Variants in SCG5 observed in about 807,000 individuals in gnomAD.
SCG5 encodes secretogranin V.
A neutral mutation model predicts 25.7 loss-of-function variants in SCG5; 18 were observed. That is an observed-to-expected ratio of 0.70 (90% CI 0.48 to 1.04). The LOEUF (loss-of-function observed/expected upper bound fraction) is 1.04, where lower values mean the gene tolerates loss of function less well. Among genes scored for constraint, SCG5 ranks in the 50% least tolerant of loss-of-function variants. SCG5 has a pLI of 0.00. For synonymous variants in SCG5, 101 were observed against 91.7 expected (o/e 1.10, Z -0.58); for missense variants, 206 against 259.8 (o/e 0.79, Z 1.42).
At chr15:32,676,943 A>G (rs2054541482) in intron 2 of SCG5, among the ~76,000 whole-genome samples, 1 of 152,256 alleles carries the variant, frequency 6.6e-6, no homozygotes, top group South Asian at 2.1e-4. Flanking sequence ...ACATATAGCC[A>G]TCAGATTATG....
rs186918752 is a variant in SCG5, at chr15:32,694,120, A to C, written c.543+2357A>C. Among the ~76,000 whole-genome samples the C allele has an allele frequency of 3.3e-5, 5 of 152,290 alleles. No homozygotes were observed. In the East Asian group the frequency reaches 7.7e-4, roughly 24 times the overall value. On this transcript the variant is annotated intron_variant, in intron 5 of 5. Coordinates refer to ENST00000300175, the MANE Select transcript of SCG5 (RefSeq NM_001144757.3). ...GTGAGACTCCATCTCAAAACAAAGC[A>C]AAACAAAACAAAAACAAACCCAAAG...
At chr15:32,692,186 C>T (rs925327497) in intron 5 of SCG5, 6 of 1,013,534 alleles carry the variant, frequency 5.9e-6, no homozygotes, top group Non-Finnish European at 7.1e-6. Context: ...ACTGCATGCT[C>T]CAGGAAATAA....
In SCG5 at chr15:32,679,806, C is replaced by T. The variant is rs1344385606; in HGVS notation, c.267C>T (p.Gly89=). The change falls in exon 3 of 6, where the codon GGC becomes GGT. Residue 89 remains glycine, a synonymous_variant. Transcript: ENST00000300175. ...GACTTCAGCATTTGGGTCCTTTTGG[C>T]AACATCCCCAACATCGTGGCAGAGT... ...HEGLQHLGPF[G]NIPNIVAELT... The T allele has an allele frequency of 1.2e-6, 2 of 1,613,810 alleles. No homozygotes were observed. Among genetic ancestry groups the T allele is most frequent in the African/African-American group, 1.3e-5 (1 of 74,900 alleles).
chr15:32,673,182 G>C (rs565213693), intron 2 of SCG5: 1 of 152,272 alleles, frequency 6.6e-6, no homozygotes, highest in African/African-American at 2.4e-5. Flanking sequence ...TCCTTGCAAA[G>C]TGTGAGCAAG....
intron 5 of SCG5, 104 bp from the exon 6 acceptor site, chr15:32,696,410 C>T (rs1229191489): frequency 4.2e-5 from 34 of 816,772 alleles, no homozygotes; most frequent in Non-Finnish European, 6.1e-5. Context: ...AGCCACCGCG[C>T]CCGGCCCCAG....
intron 3 of SCG5, among the ~76,000 whole-genome samples, chr15:32,681,173 C>G (rs2054613968): frequency 6.6e-6 from 1 of 152,152 alleles, no homozygotes; most frequent in Non-Finnish European, 1.5e-5. Flanking sequence ...TAGTCTTTTC[C>G]TGCAAGCCTA....
intron 4 of SCG5, among the ~76,000 whole-genome samples, chr15:32,691,427 C>T (rs1341507767): frequency 6.6e-6 from 1 of 152,186 alleles, no homozygotes; most frequent in African/African-American, 2.4e-5. Context: ...GGGTTTCCAG[C>T]ACCCTTCATG....
intron 2 of SCG5, among the ~76,000 whole-genome samples, chr15:32,645,930 C>T (rs1030558630): frequency 6.6e-6 from 1 of 152,150 alleles, no homozygotes; most frequent in South Asian, 2.1e-4. Context: ...ACACCATTCT[C>T]CTGCCTCAGC....
At chr15:32,682,133 AT>A (rs1480951311) in intron 3 of SCG5, among the ~76,000 whole-genome samples, 2 of 152,168 alleles carry the variant, frequency 1.3e-5, no homozygotes, top group Non-Finnish European at 2.9e-5. Flanking sequence ...TTAAAGTGTG[AT>A]TCCAGGACCA....
chr15:32,654,358 G>A (rs369808755), intron 2 of SCG5, among the ~76,000 whole-genome samples: 2 of 152,168 alleles, frequency 1.3e-5, no homozygotes. Flanking sequence ...GCTCTCTGGG[G>A]CTTCTTTTAT....
intron 2 of SCG5, among the ~76,000 whole-genome samples, chr15:32,661,646 A>C (rs147926037): frequency 6.6e-6 from 1 of 152,166 alleles, no homozygotes; most frequent in Admixed American, 6.5e-5. Flanking sequence ...GAAAGAAAAC[A>C]TCTCCAGACA....
intron 2 of SCG5, among the ~76,000 whole-genome samples, chr15:32,667,770 G>A (rs2054345546): frequency 6.6e-6 from 1 of 151,592 alleles, no homozygotes; most frequent in African/African-American, 2.4e-5. Flanking sequence ...CCTCCTGGGT[G>A]CAAGTGATTC....
intron 3 of SCG5, among the ~76,000 whole-genome samples, chr15:32,680,477 C>G (rs1280015379): frequency 6.6e-6 from 1 of 151,882 alleles, no homozygotes; most frequent in Non-Finnish European, 1.5e-5. Flanking sequence ...GGATTACAGT[C>G]GTGAGCCACT....
intron 2 of SCG5, among the ~76,000 whole-genome samples, chr15:32,659,087 A>G (rs1043544523): frequency 2.1e-4 from 32 of 152,136 alleles, no homozygotes; most frequent in African/African-American, 7.5e-4. Flanking sequence ...GAGGCAGGAG[A>G]ATGGCGAGAA....
chr15:32,673,124 A>C (rs1283771502), intron 2 of SCG5: 1 of 152,204 alleles, frequency 6.6e-6, no homozygotes, highest in Non-Finnish European at 1.5e-5. Context: ...GTTTACCTCT[A>C]ATTCCCACAG....
At chr15:32,655,919 A>G (rs188921880) in intron 2 of SCG5, among the ~76,000 whole-genome samples, 1 of 152,340 alleles carries the variant, frequency 6.6e-6, no homozygotes, top group East Asian at 1.9e-4. Context: ...TGAATGGACC[A>G]AGACAGTGTG....
intron 5 of SCG5, among the ~76,000 whole-genome samples, chr15:32,695,415 AT>A (rs1185972184): frequency 6.6e-6 from 1 of 152,034 alleles, no homozygotes; most frequent in Non-Finnish European, 1.5e-5. Flanking sequence ...GCTAAATACT[AT>A]TTTGTAAAGT....
At chr15:32,655,542 G>A (rs2054103952) in intron 2 of SCG5, among the ~76,000 whole-genome samples, 1 of 152,168 alleles carries the variant, frequency 6.6e-6, no homozygotes, top group African/African-American at 2.4e-5. Flanking sequence ...GCTGACTTGG[G>A]AGGGCAACGG....
chr15:32,648,771 CTTTT>C (rs67887619), intron 2 of SCG5, among the ~76,000 whole-genome samples: 28 of 111,516 alleles, frequency 2.5e-4, no homozygotes, highest in East Asian at 1.2e-3. Context: ...TTGCAGTCTC[CTTTT>C]TTTTTTTTAA....
Sources: gnomAD v4.1 joint callset for allele counts (sites outside exome capture counted in the v4.1 genomes callset) on GRCh38, gnomAD v4.1.1 for gene constraint, MANE v1.5 for transcripts, NCBI Gene and HGNC (gene_info 2026-07-23, HGNC 2026-07-21) for gene names.